Variants in KCNH5 observed in about 807,000 individuals in gnomAD.
KCNH5 encodes the protein potassium voltage-gated channel subfamily H member 5.
A neutral mutation model predicts 96.1 loss-of-function variants in KCNH5; 46 were observed. The ratio of observed to expected loss-of-function variants is 0.48; its 90% CI spans 0.38 to 0.61. KCNH5 has a LOEUF of 0.61. Ranked by LOEUF, KCNH5 falls within the 20% of genes least tolerant of loss-of-function variation. KCNH5 has a pLI of 0.00. For synonymous variants in KCNH5, 439 were observed against 449.8 expected (o/e 0.98, Z 0.30); for missense variants, 907 against 1,225.8 (o/e 0.74, Z 3.88).
chr14:62,820,976 T>C (rs540002291), intron 8 of KCNH5, among the ~76,000 whole-genome samples: 1 of 152,230 alleles, frequency 6.6e-6, no homozygotes, highest in East Asian at 1.9e-4. Context: ...TCTTCCATGA[T>C]GGTTGAACTA....
At chr14:62,710,104 CAT>C (rs1440278401) in intron 10 of KCNH5, among the ~76,000 whole-genome samples, 4 of 152,276 alleles carry the variant, frequency 2.6e-5, no homozygotes, top group Admixed American at 2.6e-4. Context: ...CCTGGAGTAA[CAT>C]ATAATCATTG....
At chr14:62,912,300 T>C (rs1889183472) in intron 7 of KCNH5, among the ~76,000 whole-genome samples, 1 of 152,164 alleles carries the variant, frequency 6.6e-6, no homozygotes, top group Admixed American at 6.5e-5. Flanking sequence ...AACCATCAAA[T>C]CTTATTCTTT....
At chr14:62,757,785 T>A (rs1445161741) in intron 10 of KCNH5, among the ~76,000 whole-genome samples, 1 of 152,020 alleles carries the variant, frequency 6.6e-6, no homozygotes, top group African/African-American at 2.4e-5. Flanking sequence ...AGTAGAATGA[T>A]GTTACCAGAG....
intron 7 of KCNH5, among the ~76,000 whole-genome samples, chr14:62,939,128 G>T (rs746702980): frequency 7.2e-5 from 11 of 152,046 alleles, no homozygotes; most frequent in Non-Finnish European, 1.2e-4. Context: ...TAAAGTCACT[G>T]ATGACCTCCT....
chr14:62,714,259 A>G (rs1333979371), intron 10 of KCNH5, among the ~76,000 whole-genome samples: 1 of 152,206 alleles, frequency 6.6e-6, no homozygotes, highest in Non-Finnish European at 1.5e-5. Flanking sequence ...ATTGCATGTC[A>G]GCCTGGGTCT....
intron 7 of KCNH5, among the ~76,000 whole-genome samples, chr14:62,930,854 T>C (rs1889567847): frequency 6.6e-6 from 1 of 152,152 alleles, no homozygotes; most frequent in African/African-American, 2.4e-5. Flanking sequence ...AAATGCAAGA[T>C]ATTTAGGTCC....
chr14:62,918,051 G>A (rs1367997238), intron 7 of KCNH5, among the ~76,000 whole-genome samples: 1 of 152,082 alleles, frequency 6.6e-6, no homozygotes, highest in African/African-American at 2.4e-5. Context: ...GCATCAGACT[G>A]GCCTATATTC....
At chr14:62,901,774 T>C (rs1888929786) in intron 7 of KCNH5, among the ~76,000 whole-genome samples, 1 of 152,256 alleles carries the variant, frequency 6.6e-6, no homozygotes, top group Non-Finnish European at 1.5e-5. Flanking sequence ...AAATGGCACT[T>C]CTGTTTTAAG....
chr14:62,868,983 G>A (rs1043303433), intron 7 of KCNH5, among the ~76,000 whole-genome samples: 4 of 152,204 alleles, frequency 2.6e-5, no homozygotes, highest in Admixed American at 1.3e-4. Context: ...TGTTAACAGT[G>A]CTGCAATAAA....
intron 6 of KCNH5, among the ~76,000 whole-genome samples, chr14:62,962,390 A>C (rs2139544449): frequency 6.6e-6 from 1 of 152,270 alleles, no homozygotes; most frequent in Admixed American, 6.5e-5. Flanking sequence ...GTTCATCAAA[A>C]CTGCAATGGA....
chr14:62,837,689 T>C (rs1426183515), intron 8 of KCNH5, among the ~76,000 whole-genome samples: 1 of 152,188 alleles, frequency 6.6e-6, no homozygotes, highest in Non-Finnish European at 1.5e-5. Flanking sequence ...CTCAAGTGTA[T>C]TGAGAATGGC....
chr14:63,006,040 A>AT (rs1306895807), intron 3 of KCNH5, among the ~76,000 whole-genome samples: 4 of 152,210 alleles, frequency 2.6e-5, no homozygotes, highest in Non-Finnish European at 5.9e-5. Flanking sequence ...ATAAGAAGAA[A>AT]TTAATACATG....
At chr14:62,731,230 G>T (rs912003023) in intron 10 of KCNH5, among the ~76,000 whole-genome samples, 1 of 151,986 alleles carries the variant, frequency 6.6e-6, no homozygotes, top group Admixed American at 6.6e-5. Flanking sequence ...GAACCTGGGA[G>T]GCAGAGGTTG....
At chr14:62,999,380 GTTGT>G (rs554634728) in intron 4 of KCNH5, among the ~76,000 whole-genome samples, 149 of 152,144 alleles carry the variant, frequency 9.8e-4, no homozygotes, top group Middle Eastern at 6.8e-3. Context: ...TTTTGATGGG[GTTGT>G]TTGTTTTTTT....
intron 10 of KCNH5, among the ~76,000 whole-genome samples, chr14:62,755,239 T>C (rs1885595103): frequency 6.6e-6 from 1 of 151,492 alleles, no homozygotes; most frequent in Non-Finnish European, 1.5e-5. Flanking sequence ...AAATCAGAGA[T>C]GAAAAAGGAT....
intron 9 of KCNH5, among the ~76,000 whole-genome samples, chr14:62,781,357 A>G (rs1229991405): frequency 6.6e-6 from 1 of 152,200 alleles, no homozygotes; most frequent in Admixed American, 6.5e-5. Flanking sequence ...TAAAATTGCT[A>G]ATGAAGTTTC....
chr14:62,950,567 TAAAA>T lies in KCNH5; in HGVS notation c.943-12_943-9del, dbSNP rs78869114. ...GAAGAGACTGCTGATTCCCTGGATT[TAAAA>T]AAAAAAAAAAAATTACACCACATTT... On this transcript the variant is annotated splice_polypyrimidine_tract_variant and intron_variant, in intron 6 of 10. Transcript: ENST00000322893. 1.2e-5 allele frequency: 16 copies of T among 1,371,042 alleles called. No homozygotes were observed. The highest frequency in any genetic ancestry group is 4.6e-5 in the South Asian group (3 of 65,546). The allele number at this position is 1,371,042 out of a possible 1,614,324, so 84.9% of individuals were successfully genotyped here. A position where few individuals can be genotyped will look rare whatever the true frequency, so the allele number is the denominator to read the frequency against.
At chr14:63,028,226 C>T (rs1268774556) in intron 1 of KCNH5, among the ~76,000 whole-genome samples, 1 of 152,082 alleles carries the variant, frequency 6.6e-6, no homozygotes, top group African/African-American at 2.4e-5. Context: ...CTGCCCCCAT[C>T]ATACCATTTT....
rs142699720 is a variant in KCNH5 at position 62,861,637 on chromosome 14, TACACAC to T, written c.1370-11791_1370-11786del. On this transcript the variant is annotated intron_variant, in intron 7 of 10. Transcript: ENST00000322893. ...CACATTTCCCCCCACCATCTCCATT[TACACAC>T]ACACACACACACACACACACACACA... 1.7e-3 allele frequency among the ~76,000 whole-genome samples: 243 copies of T among 141,914 alleles called. 3 individuals carry two copies. The highest frequency in any genetic ancestry group is 3.4e-3 in the Admixed American group (49 of 14,286). The allele number at this position is 141,914 out of a possible 152,430, so 93.1% of individuals were successfully genotyped here.
Sources: allele counts gnomAD v4.1 joint callset (sites outside exome capture counted in the v4.1 genomes callset), GRCh38; gene constraint gnomAD v4.1.1; transcripts MANE v1.5; gene names NCBI Gene and HGNC (gene_info 2026-07-23, HGNC 2026-07-21).